Variants in KCNIP4 observed in about 807,000 individuals in gnomAD.
The protein encoded by KCNIP4 is Kv channel-interacting protein 4.
KCNIP4 carries 12 observed loss-of-function variants against 34.0 expected under a neutral mutation model. That is an observed-to-expected ratio of 0.35 (90% CI 0.23 to 0.57). The LOEUF (loss-of-function observed/expected upper bound fraction) is 0.57. KCNIP4 is among the 20% of genes least tolerant of loss of function. The pLI, the probability that KCNIP4 is intolerant of heterozygous loss-of-function variation, is 0.83. For missense variants in KCNIP4, 238 were observed against 311.7 expected, an observed-to-expected ratio of 0.76 and a Z score of 1.78; for synonymous variants, 124 against 102.2, an observed-to-expected ratio of 1.21 and a Z score of -1.29.
chr4:21,009,505 T>C (rs529363119), intron 1 of KCNIP4, among the ~76,000 whole-genome samples: 3 of 152,222 alleles, frequency 2.0e-5, no homozygotes, highest in Non-Finnish European at 4.4e-5. Context: ...ATATGTTTGA[T>C]TAGGTTTTCA....
intron 1 of KCNIP4, among the ~76,000 whole-genome samples, chr4:21,914,795 AGTG>A (rs1359900503): frequency 2.0e-4 from 31 of 152,194 alleles, no homozygotes; most frequent in Non-Finnish European, 4.0e-4. Context: ...CCCCAAGAGC[AGTG>A]GCATCACCTT....
chr4:21,452,771 G>GAA (rs1046929366), intron 1 of KCNIP4, among the ~76,000 whole-genome samples: 1 of 127,722 alleles, frequency 7.8e-6, no homozygotes, highest in African/African-American at 2.9e-5. Context: ...TGCTATCTCT[G>GAA]AAAAAAAAAA....
chr4:21,286,225 A>G (rs535596619), intron 1 of KCNIP4, among the ~76,000 whole-genome samples: 1 of 152,216 alleles, frequency 6.6e-6, no homozygotes, highest in Admixed American at 6.5e-5. Flanking sequence ...GAGTAAATAG[A>G]ATGTTTGATT....
At chr4:21,899,803 T>C (rs1727607506) in intron 1 of KCNIP4, among the ~76,000 whole-genome samples, 1 of 152,044 alleles carries the variant, frequency 6.6e-6, no homozygotes, top group South Asian at 2.1e-4. Context: ...CACACAAAAA[T>C]AGAAAGATAT....
At chr4:21,791,962 G>A (rs1870450) in intron 1 of KCNIP4, among the ~76,000 whole-genome samples, 14,034 of 123,964 alleles carry the variant, frequency 0.11, 2,501 homozygotes, top group African/African-American at 0.39. Context: ...AGATTGCACC[G>A]CTGTACTCCA....
chr4:20,758,970 G>C (rs1754718065), intron 3 of KCNIP4, 80 bp from the exon 4 acceptor site: 1 of 1,068,042 alleles, frequency 9.4e-7, no homozygotes, highest in Admixed American at 1.8e-5. Context: ...AAACAGAACT[G>C]TCTACCATGC....
intron 1 of KCNIP4, among the ~76,000 whole-genome samples, chr4:21,395,694 G>T (rs1722926340): frequency 6.6e-6 from 1 of 152,086 alleles, no homozygotes; most frequent in Admixed American, 6.6e-5. Context: ...TATAAAAACT[G>T]TATATTGAGG....
chr4:21,368,511 A>G (rs1321960476), intron 1 of KCNIP4, among the ~76,000 whole-genome samples: 1 of 147,260 alleles, frequency 6.8e-6, no homozygotes, highest in Non-Finnish European at 1.5e-5. Flanking sequence ...ACTAAATCCA[A>G]TTATTAGTCC....
chr4:21,054,417 G>T lies in KCNIP4; in HGVS notation c.62-171708C>A, dbSNP rs569681131. Among the ~76,000 whole-genome samples the T allele has an allele frequency of 2.6e-5, 4 of 152,010 alleles. No individual in the cohort carries two copies. The South Asian group carries it at 8.3e-4, about 32-fold the overall frequency. On this transcript the variant is annotated intron_variant, in intron 1 of 8. Coordinates refer to ENST00000382152, the MANE Select transcript of KCNIP4 (RefSeq NM_025221.6). ...AACTGTAATCCCAGCTACTCAGGAG[G>T]CTGAGACAAGAGAATCGCATGAACC...
intron 1 of KCNIP4, among the ~76,000 whole-genome samples, chr4:21,028,605 C>T (rs552292657): frequency 6.6e-6 from 1 of 152,316 alleles, no homozygotes; most frequent in South Asian, 2.1e-4. Flanking sequence ...TCTCTTCCTT[C>T]CTTCCATCCT....
At chr4:21,787,172 A>C (rs939185016) in intron 1 of KCNIP4, among the ~76,000 whole-genome samples, 1 of 152,216 alleles carries the variant, frequency 6.6e-6, no homozygotes. Context: ...AAATGTTTAA[A>C]TTTACCTTCA....
intron 1 of KCNIP4, among the ~76,000 whole-genome samples, chr4:21,750,329 G>T (rs1717072053): frequency 6.6e-6 from 1 of 152,142 alleles, no homozygotes; most frequent in African/African-American, 2.4e-5. Flanking sequence ...AAGTGAAAAG[G>T]TAAAAGTTCT....
At chr4:20,873,534 G>A (rs547853498) in intron 2 of KCNIP4, among the ~76,000 whole-genome samples, 57 of 152,210 alleles carry the variant, frequency 3.7e-4, no homozygotes, top group African/African-American at 1.2e-3. Flanking sequence ...TGATTCAGAA[G>A]CCAATATCCC....
chr4:20,876,069 G>A (rs1036207727), intron 2 of KCNIP4, among the ~76,000 whole-genome samples: 5 of 152,028 alleles, frequency 3.3e-5, no homozygotes, highest in Non-Finnish European at 7.4e-5. Flanking sequence ...AAAAACCCCT[G>A]GAATGAAGCT....
At chr4:20,854,039 G>A (rs1412265096) in intron 2 of KCNIP4, among the ~76,000 whole-genome samples, 34 of 152,170 alleles carry the variant, frequency 2.2e-4, no homozygotes, top group Non-Finnish European at 1.5e-5. Context: ...TACATTCCTT[G>A]TGGGAATGTC....
At chr4:21,101,292 T>C (rs539160724) in intron 1 of KCNIP4, among the ~76,000 whole-genome samples, 20 of 152,324 alleles carry the variant, frequency 1.3e-4, no homozygotes, top group African/African-American at 4.3e-4. Context: ...CATGATTCCA[T>C]TCTTTTTTAT....
At chr4:21,081,268 GTT>G (rs1168431641) in intron 1 of KCNIP4, among the ~76,000 whole-genome samples, 1 of 151,768 alleles carries the variant, frequency 6.6e-6, no homozygotes, top group Non-Finnish European at 1.5e-5. Context: ...GCTGATTATT[GTT>G]TCAGAGATGA....
chr4:21,016,766 A>G (rs2149741115), intron 1 of KCNIP4, among the ~76,000 whole-genome samples: 1 of 152,282 alleles, frequency 6.6e-6, no homozygotes, highest in African/African-American at 2.4e-5. Flanking sequence ...GTGAGCTACC[A>G]TACCCGGTTA....
At chr4:21,100,040 C>T (rs1336800143) in intron 1 of KCNIP4, among the ~76,000 whole-genome samples, 4 of 152,114 alleles carry the variant, frequency 2.6e-5, no homozygotes, top group Non-Finnish European at 4.4e-5. Flanking sequence ...ATGGAATCTA[C>T]CTCTGGTGAA....
Sources: allele counts gnomAD v4.1 joint callset (sites outside exome capture counted in the v4.1 genomes callset), GRCh38; gene constraint gnomAD v4.1.1; transcripts MANE v1.5; gene names NCBI Gene and HGNC (gene_info 2026-07-23, HGNC 2026-07-21).